TBX20: variants seen among roughly 807,000 people sequenced by gnomAD.
The protein encoded by TBX20 is T-box transcription factor TBX20.
TBX20 carries 8 observed loss-of-function variants against 42.9 expected under a neutral mutation model. The observed-to-expected ratio is 0.19, with a 90% CI of 0.11 to 0.34. The LOEUF (loss-of-function observed/expected upper bound fraction) is 0.34, where lower values mean the gene tolerates loss of function less well. TBX20 is among the 10% of genes least tolerant of loss of function. The pLI is 1.00. For synonymous variants in TBX20, 198 were observed against 222.8 expected (o/e 0.89, Z 0.99); for missense variants, 411 against 566.0 (o/e 0.73, Z 2.78).
chr7:35,225,395 A>AT (rs1789752704), intron 6 of TBX20, among the ~76,000 whole-genome samples: 2 of 152,134 alleles, frequency 1.3e-5, no homozygotes, highest in African/African-American at 4.8e-5. Context: ...TTTTTAAATG[A>AT]TTTTTTTCAT....
intron 6 of TBX20, among the ~76,000 whole-genome samples, chr7:35,223,438 T>A (rs983540133): frequency 4.6e-5 from 7 of 151,726 alleles, no homozygotes; most frequent in African/African-American, 1.7e-4. Context: ...AGAGACCAGA[T>A]GTAGACTGAG....
chr7:35,246,143 G>A (rs545587571), intron 3 of TBX20, among the ~76,000 whole-genome samples: 8 of 152,238 alleles, frequency 5.3e-5, no homozygotes, highest in South Asian at 4.2e-4. Context: ...AGAGGACTAC[G>A]AATAGAAGAA....
intron 6 of TBX20, among the ~76,000 whole-genome samples, chr7:35,219,292 T>C (rs1789641590): frequency 6.6e-6 from 1 of 152,216 alleles, no homozygotes; most frequent in Admixed American, 6.5e-5. Context: ...ACAGGTCATA[T>C]GGTCTCTGTC....
rs1029262809 is a variant in TBX20 at position 35,245,104 on chromosome 7, T to C, written c.546-47A>G. 5.1e-6 allele frequency: 7 copies of C among 1,364,712 alleles called. No homozygotes were observed. In the African/African-American group the frequency reaches 7.2e-5, roughly 14 times the overall value. The allele number at this position is 1,364,712 out of a possible 1,614,324, so 84.5% of individuals were successfully genotyped here. ...TTTATTGAGACTTCTTTAAAAAGTC[T>C]GTCTCTGTAGGTTATAAAATGTTCT... On this transcript the variant is annotated intron_variant, in intron 3 of 7. Coordinates refer to ENST00000408931, the MANE Select transcript of TBX20 (RefSeq NM_001077653.2).
At chr7:35,231,467 T>C (rs777433353) in intron 6 of TBX20, 37 bp downstream of exon 6, 5 of 1,454,888 alleles carry the variant, frequency 3.4e-6, no homozygotes, top group Non-Finnish European at 3.9e-6. Context: ...CTCTTGATCT[T>C]ATCTGAACAA....
At chr7:35,246,073 A>G (rs1372268825) in intron 3 of TBX20, among the ~76,000 whole-genome samples, 3 of 152,252 alleles carry the variant, frequency 2.0e-5, no homozygotes, top group African/African-American at 7.2e-5. Flanking sequence ...AAGAAGTCAT[A>G]AAATTTTTCT....
chr7:35,253,381 G>A (rs993290493), intron 1 of TBX20, 113 bp downstream of exon 1: 4 of 1,292,778 alleles, frequency 3.1e-6, no homozygotes, highest in East Asian at 2.5e-5. Flanking sequence ...CACCCGCGAT[G>A]TATGGCTCAT....
At chr7:35,244,541 C>A (rs1265111749) in intron 4 of TBX20, among the ~76,000 whole-genome samples, 2 of 152,172 alleles carry the variant, frequency 1.3e-5, no homozygotes, top group African/African-American at 4.8e-5. Context: ...TGGGAAACCC[C>A]CATCAGAGGT....
chr7:35,202,554 T>G lies in TBX20; in HGVS notation c.1220A>C (p.Gln407Pro), dbSNP rs1789320590. 1 of 1,614,076 alleles carries G rather than the reference T, an allele frequency of 6.2e-7. No individual in the cohort carries two copies. Among genetic ancestry groups the G allele is most frequent in the East Asian group, 2.2e-5 (1 of 44,858 alleles). ...LTPSAIASSM[Q>P]GSGPTFPSFH... ...TGAAGGGAATGTGGGGCCACTCCCT[T>G]GCATGGAGCTGGCAATGGCCGATGG... is the stretch of plus-strand genomic sequence containing the variant. The change falls in exon 8 of 8, where the codon CAA (glutamine) becomes CCA (proline). Residue 407 changes from glutamine (Q) to proline (P), a missense_variant. Gln to Pro is a moderately conservative substitution (Grantham distance 76). Coordinates refer to ENST00000408931, the MANE Select transcript of TBX20 (RefSeq NM_001077653.2).
At chr7:35,212,268 T>C (rs1375123504) in intron 6 of TBX20, among the ~76,000 whole-genome samples, 1 of 152,218 alleles carries the variant, frequency 6.6e-6, no homozygotes, top group African/African-American at 2.4e-5. Flanking sequence ...AATTGTGACT[T>C]TGATTTTTGG....
intron 6 of TBX20, among the ~76,000 whole-genome samples, chr7:35,210,719 T>C (rs1279217882): frequency 6.6e-6 from 1 of 152,186 alleles, no homozygotes; most frequent in Non-Finnish European, 1.5e-5. Context: ...AACTCTTAAG[T>C]TTTTCAAAAT....
At chr7:35,247,496 G>A (rs1042577824) in intron 3 of TBX20, among the ~76,000 whole-genome samples, 4 of 152,048 alleles carry the variant, frequency 2.6e-5, no homozygotes, top group African/African-American at 9.7e-5. Context: ...CTGAGAGATT[G>A]CTTTTAATCT....
At chr7:35,246,273 G>A (rs1223051604) in intron 3 of TBX20, among the ~76,000 whole-genome samples, 1 of 152,154 alleles carries the variant, frequency 6.6e-6, no homozygotes, top group Non-Finnish European at 1.5e-5. Flanking sequence ...GCATTTGTCT[G>A]CCTGTTAATT....
At chr7:35,214,647 T>A (rs1223090344) in intron 6 of TBX20, among the ~76,000 whole-genome samples, 1 of 152,146 alleles carries the variant, frequency 6.6e-6, no homozygotes, top group Non-Finnish European at 1.5e-5. Flanking sequence ...AAGGCTTAAT[T>A]TACTACAATA....
At chr7:35,235,430 A>G (rs1789946187) in intron 5 of TBX20, among the ~76,000 whole-genome samples, 1 of 152,184 alleles carries the variant, frequency 6.6e-6, no homozygotes, top group African/African-American at 2.4e-5. Flanking sequence ...AATCACGTTT[A>G]TCAAAAGTAA....
In TBX20 at chr7:35,209,752, T is replaced by C. The variant is rs1221761858; in HGVS notation, c.891-5170A>G. ...TTCTTGAGATGGAAGATGAGGTTATTGATTTGGGACCTTTCATTTCTAAAG... is the reference window on the plus strand; with the variant it reads ...TTCTTGAGATGGAAGATGAGGTTATCGATTTGGGACCTTTCATTTCTAAAG... On this transcript the variant is annotated intron_variant, in intron 6 of 7. Transcript: ENST00000408931. Among the ~76,000 whole-genome samples, 5 of 152,234 alleles carry C rather than the reference T, an allele frequency of 3.3e-5. No individual in the cohort carries two copies. In the East Asian group the frequency reaches 9.6e-4, roughly 29 times the overall value.
intron 6 of TBX20, among the ~76,000 whole-genome samples, chr7:35,212,576 AT>A (rs1789516660): frequency 1.3e-5 from 2 of 152,288 alleles, no homozygotes; most frequent in Non-Finnish European, 2.9e-5. Flanking sequence ...TTACCTGGAA[AT>A]AATTTGATCC....
chr7:35,234,295 C>G (rs1789921098), intron 5 of TBX20, among the ~76,000 whole-genome samples: 1 of 152,126 alleles, frequency 6.6e-6, no homozygotes, highest in Admixed American at 6.6e-5. Context: ...TTTTGAAAAT[C>G]ACATTTCTTG....
chr7:35,233,216 G>A (rs1789901549), intron 5 of TBX20, among the ~76,000 whole-genome samples: 1 of 152,082 alleles, frequency 6.6e-6, no homozygotes, highest in Non-Finnish European at 1.5e-5. Context: ...AGCTATTTAT[G>A]CCTCACTTAA....
Sources: allele counts gnomAD v4.1 joint callset (sites outside exome capture counted in the v4.1 genomes callset), GRCh38; gene constraint gnomAD v4.1.1; transcripts MANE v1.5; gene names NCBI Gene and HGNC (gene_info 2026-07-23, HGNC 2026-07-21).